Variants in ZDHHC20 observed in about 807,000 individuals in gnomAD.
ZDHHC20 encodes the protein zDHHC palmitoyltransferase 20, also known as palmitoyltransferase ZDHHC20.
ZDHHC20 carries 43 observed loss-of-function variants against 57.8 expected under a neutral mutation model. The ratio of observed to expected loss-of-function variants is 0.74; its 90% CI spans 0.58 to 0.96. The LOEUF is 0.96. Ranked by LOEUF, ZDHHC20 falls within the 40% of genes least tolerant of loss-of-function variation. ZDHHC20 has a pLI of 0.00. For missense variants in ZDHHC20, 391 were observed against 441.1 expected, an observed-to-expected ratio of 0.89 and a Z score of 1.02; for synonymous variants, 157 against 153.0, an observed-to-expected ratio of 1.03 and a Z score of -0.19.
chr13:21,428,922 A>C (rs985116463), intron 1 of ZDHHC20, among the ~76,000 whole-genome samples: 4 of 152,184 alleles, frequency 2.6e-5, no homozygotes, highest in Non-Finnish European at 5.9e-5. Context: ...AACAACAACA[A>C]AAATTATTAG....
At chr13:21,448,208 C>CT (rs1342248923) in intron 1 of ZDHHC20, among the ~76,000 whole-genome samples, 13 of 90,476 alleles carry the variant, frequency 1.4e-4, no homozygotes, top group Non-Finnish European at 3.3e-4. Context: ...GTCAGCCCCC[C>CT]GCCCGGCCAG....
chr13:21,384,457 C>CAA (rs11358320), intron 9 of ZDHHC20, among the ~76,000 whole-genome samples: 3,088 of 75,378 alleles, frequency 0.041, 49 homozygotes, highest in Non-Finnish European at 0.057. Flanking sequence ...ACTCTATCTC[C>CAA]AAAAAAAAAA....
intron 1 of ZDHHC20, among the ~76,000 whole-genome samples, chr13:21,449,506 T>C (rs370518592): frequency 6.6e-6 from 1 of 152,228 alleles, no homozygotes; most frequent in African/African-American, 2.4e-5. Context: ...AGGCAGAAGA[T>C]GTCTTGAGGC....
rs184990933 is a variant in ZDHHC20 at position 21,395,528 on chromosome 13, C to T, written c.595-3674G>A. Among the ~76,000 whole-genome samples the T allele has an allele frequency of 6.1e-3, 778 of 126,924 alleles. 6 individuals carry two copies. Among genetic ancestry groups the T allele is most frequent in the African/African-American group, 0.021 (702 of 33,818 alleles). The allele number at this position is 126,924 out of a possible 152,430, so 83.3% of individuals were successfully genotyped here. On this transcript the variant is annotated intron_variant, in intron 7 of 12. Coordinates refer to ENST00000400590, the MANE Select transcript of ZDHHC20 (RefSeq NM_001330059.2). ...TTTTTTTTTTTGAGACAGAGTCTTG[C>T]TCTGTCGCCAGGCTGGAGTGCAGTG...
At chr13:21,444,416 A>C (rs1242545538) in intron 1 of ZDHHC20, among the ~76,000 whole-genome samples, 1 of 152,214 alleles carries the variant, frequency 6.6e-6, no homozygotes, top group Non-Finnish European at 1.5e-5. Context: ...ATTTTTCATA[A>C]ACTGCAATAA....
intron 8 of ZDHHC20, among the ~76,000 whole-genome samples, chr13:21,388,988 T>C (rs1032278698): frequency 2.0e-5 from 3 of 152,122 alleles, no homozygotes; most frequent in East Asian, 1.9e-4. Context: ...TGTTGGAGAA[T>C]AGAAGACTCA....
intron 3 of ZDHHC20, among the ~76,000 whole-genome samples, chr13:21,414,272 A>G (rs560030848): frequency 2.6e-5 from 4 of 151,216 alleles, no homozygotes; most frequent in South Asian, 2.1e-4. Context: ...CGAAAAGTTA[A>G]CCAATAGGAC....
At chr13:21,410,909 G>A (rs1165894666) in intron 4 of ZDHHC20, among the ~76,000 whole-genome samples, 2 of 151,832 alleles carry the variant, frequency 1.3e-5, no homozygotes, top group African/African-American at 2.4e-5. Flanking sequence ...ACTGGGGTAC[G>A]AAAAAAAACT....
chr13:21,380,291 T>A (rs936719317), intron 11 of ZDHHC20, among the ~76,000 whole-genome samples: 3 of 151,362 alleles, frequency 2.0e-5, no homozygotes, highest in African/African-American at 7.3e-5. Context: ...AATTTTTGTA[T>A]TCTTAGTAGA....
intron 3 of ZDHHC20, 128 bp downstream of exon 3, chr13:21,420,933 C>T (rs1479229517): frequency 1.4e-6 from 1 of 694,168 alleles, no homozygotes; most frequent in Non-Finnish European, 2.5e-6. Flanking sequence ...CAGTACAGAG[C>T]AACCAAGCAG....
At position 21,459,130 on chromosome 13, in the gene ZDHHC20, C is replaced by T. The variant is rs1885183820; in HGVS notation, c.42G>A (p.Val14=). ...TGATGAAGAGCACCGGCACCCAGCC[C>T]ACGACGCGCTGGCAGCAGCGCCACA... is the stretch of plus-strand genomic sequence containing the variant. ...WTLWRCCQRV[V]GWVPVLFITF... Residue 14 remains valine (V), a synonymous_variant, in exon 1 of 13, where the codon GTG becomes GTA. Coordinates refer to ENST00000400590, the MANE Select transcript of ZDHHC20 (RefSeq NM_001330059.2). 6.2e-7 allele frequency: 1 copy of T among 1,606,782 alleles called. No homozygotes were observed. The highest frequency in any genetic ancestry group is 1.7e-5 in the Admixed American group (1 of 59,434).
rs2137579843 is a variant in ZDHHC20 at position 21,373,326 on chromosome 13, T to G, written c.*3370A>C. On this transcript the variant is annotated 3_prime_UTR_variant, in exon 13 of 13. Transcript: ENST00000400590. ...AAGATCTCACATGCCTGATAATCCT[T>G]AATTTAAACCGTCCTGTAAACATAG... 6.6e-6 allele frequency: 1 copy of G among 151,850 alleles called. No individual in the cohort carries two copies. Among genetic ancestry groups the G allele is most frequent in the South Asian group, 2.1e-4 (1 of 4,758 alleles). 9.4% of individuals were successfully genotyped at this position (151,850 alleles called of 1,614,324 possible).
chr13:21,397,181 G>A (rs1876926021), intron 7 of ZDHHC20, among the ~76,000 whole-genome samples: 2 of 152,106 alleles, frequency 1.3e-5, no homozygotes, highest in Admixed American at 1.3e-4. Flanking sequence ...GATCACCTGA[G>A]GTCAGGAGTT....
At chr13:21,427,735 T>C (rs1056893225) in intron 1 of ZDHHC20, among the ~76,000 whole-genome samples, 1 of 148,378 alleles carries the variant, frequency 6.7e-6, no homozygotes, top group East Asian at 2.0e-4. Context: ...CTCGGGAGGC[T>C]GAGGCAGGAG....
chr13:21,406,830 T>C (rs1281506023), intron 4 of ZDHHC20, among the ~76,000 whole-genome samples: 1 of 152,238 alleles, frequency 6.6e-6, no homozygotes, highest in Non-Finnish European at 1.5e-5. Flanking sequence ...TTGTGAACAG[T>C]GCTGCAATAA....
chr13:21,455,448 C>T (rs901867981), intron 1 of ZDHHC20, among the ~76,000 whole-genome samples: 6 of 152,094 alleles, frequency 3.9e-5, no homozygotes, highest in South Asian at 2.1e-4. Context: ...TCAATCCATT[C>T]GTACTTTAAA....
intron 1 of ZDHHC20, among the ~76,000 whole-genome samples, chr13:21,430,142 T>C (rs1221118723): frequency 6.6e-6 from 1 of 152,202 alleles, no homozygotes; most frequent in East Asian, 1.9e-4. Flanking sequence ...TTTTCAATTG[T>C]ATCCTGAAAT....
At chr13:21,436,449 C>T (rs1447874296) in intron 1 of ZDHHC20, among the ~76,000 whole-genome samples, 2 of 152,170 alleles carry the variant, frequency 1.3e-5, no homozygotes, top group Non-Finnish European at 2.9e-5. Flanking sequence ...TTTGTGTCTC[C>T]GTGTCACATT....
At chr13:21,406,614 T>C (rs1878483075) in intron 4 of ZDHHC20, among the ~76,000 whole-genome samples, 2 of 151,978 alleles carry the variant, frequency 1.3e-5, no homozygotes, top group Non-Finnish European at 2.9e-5. Flanking sequence ...AACTCCCACT[T>C]ATAAGTGAGA....
Sources: gnomAD v4.1 joint callset for allele counts (sites outside exome capture counted in the v4.1 genomes callset) on GRCh38, gnomAD v4.1.1 for gene constraint, MANE v1.5 for transcripts, NCBI Gene and HGNC (gene_info 2026-07-23, HGNC 2026-07-21) for gene names.